Variants in TNRC18 observed in about 807,000 individuals in gnomAD.
TNRC18 encodes trinucleotide repeat-containing gene 18 protein.
Under a neutral mutation model 226.7 loss-of-function variants are expected in TNRC18, and 69 were observed. The ratio of observed to expected loss-of-function variants is 0.30; its 90% CI spans 0.25 to 0.37. The LOEUF is 0.37. TNRC18 is among the 10% of genes least tolerant of loss of function. The pLI, the probability that TNRC18 is intolerant of heterozygous loss-of-function variation, is 1.00. For synonymous variants in TNRC18, 2,449 were observed against 1,927.6 expected (o/e 1.27, Z -7.09); for missense variants, 4,754 against 4,256.6 (o/e 1.12, Z -3.25).
chr7:5,411,537 A>AT (rs1781845837), intron 2 of TNRC18, among the ~76,000 whole-genome samples: 1 of 150,746 alleles, frequency 6.6e-6, no homozygotes, highest in South Asian at 2.1e-4. Flanking sequence ...AAAAAAAAAA[A>AT]TTCCTAGAGG....
intron 2 of TNRC18, among the ~76,000 whole-genome samples, chr7:5,403,137 T>C (rs1264685084): frequency 2.0e-5 from 3 of 150,794 alleles, no homozygotes; most frequent in African/African-American, 4.9e-5. Context: ...CAGCCCTTCA[T>C]AACCAAACAC....
At chr7:5,339,718 C>T (rs557494306) in intron 18 of TNRC18, among the ~76,000 whole-genome samples, 7 of 151,960 alleles carry the variant, frequency 4.6e-5, no homozygotes, top group Admixed American at 3.9e-4. Context: ...TACAGGCGCC[C>T]GCCACCACAT....
In TNRC18 at chr7:5,357,194, T is replaced by C. The variant is rs747098474; in HGVS notation, c.4916A>G (p.Gln1639Arg). The C allele has an allele frequency of 2.5e-6, 4 of 1,611,266 alleles. No individual in the cohort carries two copies. The South Asian group carries it at 3.3e-5, about 13-fold the overall frequency. Residue 1639 changes from glutamine (Q) to arginine (R), a missense_variant, in exon 16 of 30, where the codon CAG becomes CGG. By Grantham distance (43) the Gln-to-Arg change is conservative. Coordinates refer to ENST00000430969, the MANE Select transcript of TNRC18 (RefSeq NM_001080495.3). Reference protein sequence around the residue: ...KLDKALSLTKQDKLKSPFKFS... With the variant: ...KLDKALSLTKRDKLKSPFKFS... ...CTTGAAGGGCGACTTCAACTTGTCC[T>C]GCTTGGTGAGGGAGAGGGCCTTGTC...
In TNRC18 at chr7:5,394,421, A is replaced by T. The variant is rs1780515574; in HGVS notation, c.343+19T>A. ...GTCAGCCCAGCAGCCCTCAGCCCCGACCCCGGCATGTTCCTTACCTTCATG... is the reference window on the plus strand; with the variant it reads ...GTCAGCCCAGCAGCCCTCAGCCCCGTCCCCGGCATGTTCCTTACCTTCATG... On this transcript the variant is annotated intron_variant, in intron 3 of 29. Transcript: ENST00000430969. This position sits in a 1 kb window ranked among gnomAD's most constrained non-coding sequence, Gnocchi z 4.5. The T allele has an allele frequency of 5.3e-6, 8 of 1,515,046 alleles. No individual in the cohort carries two copies. The highest frequency in any genetic ancestry group is 7.1e-6 in the Non-Finnish European group (8 of 1,132,206). 93.9% of individuals were successfully genotyped at this position (1,515,046 alleles called of 1,614,324 possible).
At position 5,313,242 on chromosome 7, in the gene TNRC18, T is replaced by C; in HGVS notation, c.7649A>G (p.Glu2550Gly). Residue 2550 changes from glutamate to glycine, a missense_variant, in exon 27 of 30, where the codon GAG becomes GGG. Transcript: ENST00000430969. Reference sequence around the variant, plus strand: ...CTCGGACTCTTCGGCCCCGTCCTGCTCAGCCTGGGCCTTGTCTGGGCTCTT... The same window carrying C: ...CTCGGACTCTTCGGCCCCGTCCTGCCCAGCCTGGGCCTTGTCTGGGCTCTT... The part of the protein sequence containing the change: ...NPKSPDKAQA[E>G]QDGAEESESS... 6.5e-7 allele frequency: 1 copy of C among 1,548,974 alleles called. No homozygotes were observed. Among genetic ancestry groups the C allele is most frequent in the African/African-American group, 1.4e-5 (1 of 73,096 alleles).
intron 16 of TNRC18, among the ~76,000 whole-genome samples, chr7:5,352,614 A>G (rs1791943546): frequency 1.3e-5 from 2 of 152,274 alleles, no homozygotes; most frequent in African/African-American, 2.4e-5. Flanking sequence ...CACCATGGGA[A>G]TGGGCAAACG....
intron 11 of TNRC18, among the ~76,000 whole-genome samples, chr7:5,365,944 G>C (rs999760208): frequency 1.3e-5 from 2 of 152,136 alleles, no homozygotes; most frequent in Non-Finnish European, 2.9e-5. Context: ...GGTGGCGCAT[G>C]CCTATAATGC....
chr7:5,420,496 G>T (rs1782494339), intron 2 of TNRC18: 3 of 448,648 alleles, frequency 6.7e-6, no homozygotes, highest in South Asian at 4.7e-5. Flanking sequence ...GGGGCATCCC[G>T]CCCGCCCCGA....
rs1240607187 is a variant in TNRC18, at chr7:5,385,518, G to GA, written c.2152+2153dup. 3.3e-3 allele frequency among the ~76,000 whole-genome samples: 275 copies of GA among 84,588 alleles called. 1 individual carries two copies. The highest frequency in any genetic ancestry group is 0.013 in the African/African-American group (255 of 20,196). The allele number at this position is 84,588 out of a possible 152,430, so 55.5% of individuals were successfully genotyped here. A position where few individuals can be genotyped will look rare whatever the true frequency, so the allele number is the denominator to read the frequency against. On this transcript the variant is annotated intron_variant, in intron 5 of 29. Coordinates refer to ENST00000430969, the MANE Select transcript of TNRC18 (RefSeq NM_001080495.3). ...TCAAAAAAAAAAAAAAAAAAAAAAA[G>GA]AAAAAAAAATACAAAATTAGCCGGG...
intron 17 of TNRC18, 49 bp downstream of exon 17, chr7:5,351,770 C>T (rs1156635962): frequency 9.9e-6 from 15 of 1,513,332 alleles, no homozygotes; most frequent in Non-Finnish European, 1.3e-5. Context: ...CTCGCACGCA[C>T]TCTCTCGCTA....
At chr7:5,316,102 C>T (rs781209541) in intron 24 of TNRC18, 30 bp from the exon 25 acceptor site, 14 of 1,558,602 alleles carry the variant, frequency 9.0e-6, no homozygotes, top group Non-Finnish European at 1.1e-5. Flanking sequence ...TCAGGGGAGG[C>T]CCTCGGACCT....
rs1453918033 is a variant in TNRC18 at position 5,374,399 on chromosome 7, C to A, written c.2885G>T (p.Gly962Val). 9 of 1,529,624 alleles carry A rather than the reference C, an allele frequency of 5.9e-6. No homozygotes were observed. Among genetic ancestry groups the A allele is most frequent in the Non-Finnish European group, 7.9e-6 (9 of 1,138,562 alleles). 94.8% of individuals were successfully genotyped at this position (1,529,624 alleles called of 1,614,324 possible). Residue 962 changes from glycine to valine, a missense_variant, in exon 10 of 30, where the codon GGC becomes GTC. Coordinates refer to ENST00000430969, the MANE Select transcript of TNRC18 (RefSeq NM_001080495.3). The part of the protein sequence containing the change: ...KRGLEAAGKA[G>V]LATAGPGLLP... Reference sequence around the variant, plus strand: ...CAGCCCGGGGCCGGCGGTGGCCAGGCCAGCCTTGCCCGCAGCCTCCAGGCC... The same window carrying A: ...CAGCCCGGGGCCGGCGGTGGCCAGGACAGCCTTGCCCGCAGCCTCCAGGCC...
At chr7:5,408,486 A>T (rs1375056635) in intron 2 of TNRC18, among the ~76,000 whole-genome samples, 1 of 151,844 alleles carries the variant, frequency 6.6e-6, no homozygotes, top group Non-Finnish European at 1.5e-5. Flanking sequence ...TGTCTCTACT[A>T]AAAATATAAA....
chr7:5,309,119 G>A lies in TNRC18; in HGVS notation c.8625+13C>T. Reference sequence around the variant, plus strand: ...GCCTAGGACTGGGGGCCGCAGCCGGGCCGCAGGCTCACCTGGCCCTGGTGG... The same window carrying A: ...GCCTAGGACTGGGGGCCGCAGCCGGACCGCAGGCTCACCTGGCCCTGGTGG... On this transcript the variant is annotated intron_variant, in intron 28 of 29. Coordinates refer to ENST00000430969, the MANE Select transcript of TNRC18 (RefSeq NM_001080495.3). This position sits in a 1 kb window ranked among gnomAD's most constrained non-coding sequence, Gnocchi z 5.7. 1 of 1,594,938 alleles carries A rather than the reference G, an allele frequency of 6.3e-7. No individual in the cohort carries two copies. The highest frequency in any genetic ancestry group is 8.5e-7 in the Non-Finnish European group (1 of 1,171,394).
intron 16 of TNRC18, 53 bp from the exon 17 acceptor site, chr7:5,352,147 G>T: frequency 2.0e-6 from 3 of 1,512,764 alleles, no homozygotes; most frequent in Non-Finnish European, 2.7e-6. Context: ...GCAGGAGCTG[G>T]TGTCATTTTA....
At position 5,376,171 on chromosome 7, in the gene TNRC18, G is replaced by A. The variant is rs1407271119; in HGVS notation, c.2662C>T (p.Pro888Ser). The A allele has an allele frequency of 6.4e-7, 1 of 1,574,088 alleles. No homozygotes were observed. Among genetic ancestry groups the A allele is most frequent in the Non-Finnish European group, 8.6e-7 (1 of 1,160,852 alleles). The change falls in exon 9 of 30, where the codon CCG becomes TCG. Residue 888 changes from proline (P) to serine (S), a missense_variant. Pro to Ser is a moderately conservative substitution (Grantham distance 74). Coordinates refer to ENST00000430969, the MANE Select transcript of TNRC18 (RefSeq NM_001080495.3). ...GCGTGGTGCAGGGGGCTGCGGCCCG[G>A]CGGGTACAGGGCGGGCCAGAGGGGC... ...VPPLWPALYP[P>S]GRSPLHHAQQ...
At position 5,388,918 on chromosome 7, in the gene TNRC18, G is replaced by T; in HGVS notation, c.906C>A (p.Arg302=). The T allele has an allele frequency of 7.3e-7, 1 of 1,369,838 alleles. No homozygotes were observed. The highest frequency in any genetic ancestry group is 9.5e-7 in the Non-Finnish European group (1 of 1,057,528). 84.9% of individuals were successfully genotyped at this position (1,369,838 alleles called of 1,614,324 possible). A position where few individuals can be genotyped will look rare whatever the true frequency, so the allele number is the denominator to read the frequency against. ...GCCGGGCAGCCTCCTTGGCACCCCC[G>T]CGCCCCGCTTCGGCCACCAGCGCGG... ...GLPALVAEAG[R]GGAKEAARQD... Residue 302 remains arginine, a synonymous_variant, in exon 5 of 30, where the codon CGC becomes CGA. Coordinates refer to ENST00000430969, the MANE Select transcript of TNRC18 (RefSeq NM_001080495.3).
chr7:5,388,245 C>T lies in TNRC18; in HGVS notation c.1579G>A (p.Ala527Thr). ...NFAATQMAVL[A>T]AQHHHSRAEE... Reference sequence around the variant, plus strand: ...GCGCGGCTGTGGTGGTGCTGCGCGGCCAGCACGGCCATCTGCGTGGCGGCG... The same window carrying T: ...GCGCGGCTGTGGTGGTGCTGCGCGGTCAGCACGGCCATCTGCGTGGCGGCG... The change falls in exon 5 of 30, where the codon GCC (alanine) becomes ACC (threonine). Residue 527 changes from alanine (A) to threonine (T), a missense_variant. Physicochemically the swap from Ala to Thr is moderately conservative, Grantham distance 58. Transcript: ENST00000430969. 2.5e-6 allele frequency: 4 copies of T among 1,607,258 alleles called. No homozygotes were observed. The South Asian group carries it at 3.3e-5, about 13-fold the overall frequency.
At chr7:5,367,463 T>G (rs1793726281) in intron 11 of TNRC18, among the ~76,000 whole-genome samples, 1 of 151,544 alleles carries the variant, frequency 6.6e-6, no homozygotes, top group Admixed American at 6.6e-5. Context: ...GTTCCACTCT[T>G]GTTGCCCAGG....
Sources: allele counts gnomAD v4.1 joint callset (sites outside exome capture counted in the v4.1 genomes callset), GRCh38; gene constraint gnomAD v4.1.1; non-coding constraint Gnocchi (gnomAD v3.1); transcripts MANE v1.5; gene names NCBI Gene and HGNC (gene_info 2026-07-23, HGNC 2026-07-21).